Variants in NOL4L observed in about 807,000 individuals in gnomAD.
NOL4L encodes nucleolar protein 4-like.
Under a neutral mutation model 64.5 loss-of-function variants are expected in NOL4L, and 7 were observed. That is an observed-to-expected ratio of 0.11 (90% CI 0.06 to 0.20). The LOEUF (loss-of-function observed/expected upper bound fraction) is 0.20, where lower values mean the gene tolerates loss of function less well. Among genes scored for constraint, NOL4L ranks in the 10% least tolerant of loss-of-function variants. NOL4L has a pLI of 1.00. For missense variants in NOL4L, 680 were observed against 967.1 expected, an observed-to-expected ratio of 0.70 and a Z score of 3.94; for synonymous variants, 413 against 401.0, an observed-to-expected ratio of 1.03 and a Z score of -0.36.
intron 2 of NOL4L, among the ~76,000 whole-genome samples, chr20:32,526,532 G>A (rs1177094185): frequency 6.6e-6 from 1 of 151,806 alleles, no homozygotes; most frequent in East Asian, 1.9e-4. Flanking sequence ...TGGGCCATAA[G>A]GGGAAATTAT....
chr20:32,474,809 T>C, intron 4 of NOL4L, 67 bp from the exon 5 acceptor site: 1 of 1,503,898 alleles, frequency 6.6e-7, no homozygotes, highest in South Asian at 1.3e-5. Flanking sequence ...GGCAGCCTTG[T>C]GGGTGGACCC....
intron 1 of NOL4L, among the ~76,000 whole-genome samples, chr20:32,545,266 C>A (rs1296256594): frequency 6.6e-6 from 1 of 152,110 alleles, no homozygotes; most frequent in Non-Finnish European, 1.5e-5. Flanking sequence ...GAGCATGACC[C>A]TGTCTCTAAA....
intron 1 of NOL4L, among the ~76,000 whole-genome samples, chr20:32,565,897 A>G (rs923108293): frequency 2.7e-5 from 4 of 149,392 alleles, no homozygotes; most frequent in African/African-American, 1.0e-4. Flanking sequence ...ACAGAAGAAG[A>G]AAAAAATTAG....
chr20:32,481,969 G>GC (rs1052635019), intron 4 of NOL4L, among the ~76,000 whole-genome samples: 1 of 149,068 alleles, frequency 6.7e-6, no homozygotes, highest in Admixed American at 6.6e-5. Context: ...CGGGGCGGGG[G>GC]GGGGGGAGCA....
Position 32,537,095 on chromosome 20 carries a change from C to T in NOL4L, c.322-9182G>A, listed in dbSNP as rs868132640. 58 of 985,144 alleles carry T rather than the reference C, an allele frequency of 5.9e-5. No homozygotes were observed. In the African/African-American group the frequency reaches 9.6e-4, roughly 16 times the overall value. The allele number at this position is 985,144 out of a possible 1,614,324, so 61.0% of individuals were successfully genotyped here. A position where few individuals can be genotyped will look rare whatever the true frequency, so the allele number is the denominator to read the frequency against. ...GGACGCTGCCCACCTGTCCTTTGTG[C>T]AGGGCGGTACCATTCGATCTTGCCA... is the stretch of plus-strand genomic sequence containing the variant. On this transcript the variant is annotated intron_variant, in intron 1 of 10. Coordinates refer to ENST00000621426, the MANE Select transcript of NOL4L (RefSeq NM_001256798.2).
intron 10 of NOL4L, 124 bp downstream of exon 10, chr20:32,452,112 G>C: frequency 2.5e-6 from 2 of 799,830 alleles, no homozygotes; most frequent in Non-Finnish European, 3.5e-6. Flanking sequence ...TCCCTATGCT[G>C]TGAGGCAGCC....
At chr20:32,561,570 G>C (rs955993859) in intron 1 of NOL4L, among the ~76,000 whole-genome samples, 1 of 152,104 alleles carries the variant, frequency 6.6e-6, no homozygotes, top group Admixed American at 6.5e-5. Context: ...CTCTCATGCC[G>C]GTGGCCCTGA....
intron 1 of NOL4L, among the ~76,000 whole-genome samples, chr20:32,532,941 A>G (rs1442732868): frequency 1.3e-5 from 2 of 152,276 alleles, no homozygotes; most frequent in South Asian, 4.2e-4. Context: ...CAACCCCCAA[A>G]CAGCCTGCCA....
chr20:32,575,781 A>G (rs6119906), intron 1 of NOL4L, among the ~76,000 whole-genome samples: 3,932 of 152,306 alleles, frequency 0.026, 96 homozygotes, highest in African/African-American at 0.061. Flanking sequence ...GCCACAGAGG[A>G]AAAATCAAGT....
At chr20:32,477,967 A>G (rs2015496762) in intron 4 of NOL4L, among the ~76,000 whole-genome samples, 2 of 152,192 alleles carry the variant, frequency 1.3e-5, no homozygotes, top group Admixed American at 1.3e-4. Flanking sequence ...CCATGACCCC[A>G]TAACACAGGC....
chr20:32,497,056 C>CAAAAAAA (rs11167170), intron 4 of NOL4L, among the ~76,000 whole-genome samples: 2 of 76,802 alleles, frequency 2.6e-5, no homozygotes, highest in African/African-American at 5.5e-5. Context: ...CTCCTACCCT[C>CAAAAAAA]AAAAAAAAAA....
chr20:32,467,446 A>AC (rs893249665), intron 5 of NOL4L, among the ~76,000 whole-genome samples: 1 of 152,074 alleles, frequency 6.6e-6, no homozygotes, highest in Non-Finnish European at 1.5e-5. Context: ...AAGAAGCACA[A>AC]CCCGGGCGGT....
At chr20:32,511,937 T>G (rs1254070369) in intron 3 of NOL4L, among the ~76,000 whole-genome samples, 2 of 152,082 alleles carry the variant, frequency 1.3e-5, no homozygotes, top group African/African-American at 2.4e-5. Flanking sequence ...GGCCAGGTGG[T>G]CAAGGCTGCA....
At chr20:32,511,498 G>T (rs1162351413) in intron 3 of NOL4L, 42 bp from the exon 4 acceptor site, 2 of 1,406,106 alleles carry the variant, frequency 1.4e-6, no homozygotes, top group Non-Finnish European at 9.8e-7. Flanking sequence ...AGTCTGTGCT[G>T]CGGGCCTGTT....
chr20:32,543,224 C>T (rs1422763011), intron 1 of NOL4L, among the ~76,000 whole-genome samples: 5 of 152,278 alleles, frequency 3.3e-5, no homozygotes, highest in Non-Finnish European at 7.4e-5. Context: ...GAGGAGGTGA[C>T]ATTTGGGCTG....
At chr20:32,566,825 A>G (rs1600882040) in intron 1 of NOL4L, among the ~76,000 whole-genome samples, 1 of 152,260 alleles carries the variant, frequency 6.6e-6, no homozygotes, top group Non-Finnish European at 1.5e-5. Flanking sequence ...CGTCTGACAC[A>G]GTGGGCCTGT....
intron 5 of NOL4L, chr20:32,465,121 G>A: frequency 1.9e-6 from 1 of 526,914 alleles, no homozygotes; most frequent in South Asian, 2.7e-5. Flanking sequence ...TGGGGCCCTG[G>A]AGACAGACAC....
Position 32,460,388 on chromosome 20 carries a change from C to T in NOL4L, c.842-3993G>A, listed in dbSNP as rs1351910584. On this transcript the variant is annotated intron_variant, in intron 5 of 10. Transcript: ENST00000621426. This position sits in a 1 kb window ranked among gnomAD's most constrained non-coding sequence, Gnocchi z 5.7. ...CTACCCCCAGCTCCGCTCAGGCAGC[C>T]CCGGCATGCCAGCCCCCACCCCACA... 2.0e-5 allele frequency among the ~76,000 whole-genome samples: 3 copies of T among 152,200 alleles called. No homozygotes were observed. The highest frequency in any genetic ancestry group is 7.2e-5 in the African/African-American group (3 of 41,438).
intron 4 of NOL4L, chr20:32,483,407 G>A: frequency 4.1e-6 from 4 of 986,876 alleles, no homozygotes; most frequent in Non-Finnish European, 4.8e-6. Flanking sequence ...ATCCGCGAGT[G>A]AGCGGGGCGG....
Sources: gnomAD v4.1 joint callset for allele counts (sites outside exome capture counted in the v4.1 genomes callset) on GRCh38, gnomAD v4.1.1 for gene constraint, Gnocchi (gnomAD v3.1) non-coding constraint, MANE v1.5 for transcripts, NCBI Gene and HGNC (gene_info 2026-07-23, HGNC 2026-07-21) for gene names.